ARFGAP3: variants seen among roughly 807,000 people sequenced by gnomAD.
ARFGAP3 encodes ARF GTPase activating protein 3, also known as ADP-ribosylation factor GTPase-activating protein 3.
ARFGAP3 carries 72 observed loss-of-function variants against 75.0 expected under a neutral mutation model. That is an observed-to-expected ratio of 0.96 (90% CI 0.79 to 1.17). ARFGAP3 has a LOEUF of 1.17. Ranked by LOEUF, ARFGAP3 falls within the 50% of genes most tolerant of loss-of-function variation. The pLI, the probability that ARFGAP3 is intolerant of heterozygous loss-of-function variation, is 0.00. For missense variants in ARFGAP3, 620 were observed against 626.6 expected, an observed-to-expected ratio of 0.99 and a Z score of 0.11; for synonymous variants, 221 against 217.9, an observed-to-expected ratio of 1.01 and a Z score of -0.13.
At chr22:42,840,051 C>G (rs915806066) in intron 3 of ARFGAP3, among the ~76,000 whole-genome samples, 1 of 152,202 alleles carries the variant, frequency 6.6e-6, no homozygotes, top group African/African-American at 2.4e-5. Flanking sequence ...CCACCTCAGC[C>G]TCCCGAGTAG....
intron 9 of ARFGAP3, among the ~76,000 whole-genome samples, chr22:42,819,694 T>C (rs1044622888): frequency 6.6e-6 from 1 of 152,222 alleles, no homozygotes; most frequent in African/African-American, 2.4e-5. Context: ...GGATGCTGCA[T>C]GGGCTGTTTA....
At position 42,828,192 on chromosome 22, in the gene ARFGAP3, G is replaced by A. The variant is rs193130948; in HGVS notation, c.566-1193C>T. On this transcript the variant is annotated intron_variant, in intron 6 of 15. Transcript: ENST00000263245. Reference sequence around the variant, plus strand: ...AATCCCAGCACTTCGGGAGGCCAAGGGGGACGCATCATGAGGTCAAGAGTT... The same window carrying A: ...AATCCCAGCACTTCGGGAGGCCAAGAGGGACGCATCATGAGGTCAAGAGTT... Among the ~76,000 whole-genome samples the A allele has an allele frequency of 2.0e-5, 3 of 152,100 alleles. No individual in the cohort carries two copies. In the East Asian group the frequency reaches 5.8e-4, roughly 30 times the overall value.
At position 42,829,084 on chromosome 22, in the gene ARFGAP3, G is replaced by A. The variant is rs368327480; in HGVS notation, c.566-2085C>T. Among the ~76,000 whole-genome samples the A allele has an allele frequency of 5.9e-5, 9 of 152,270 alleles. No homozygotes were observed. The East Asian group carries it at 1.7e-3, about 29-fold the overall frequency. On this transcript the variant is annotated intron_variant, in intron 6 of 15. Coordinates refer to ENST00000263245, the MANE Select transcript of ARFGAP3 (RefSeq NM_014570.5). The stretch of plus-strand genomic sequence containing the variant: ...TATAACGCACTGTTCCTGTTTGTTA[G>A]GAGATTGTGGGAATTCTTTCTTCTC...
In ARFGAP3 at chr22:42,807,097, C is replaced by G; in HGVS notation, c.1387G>C (p.Glu463Gln). ...SSSISSADLF[E>Q]EPRKQPAGNY... ...CCTGCTGGCTGCTTCCTCGGCTCCT[C>G]GAACAGATCAGCCGAGCTTATGGAG... Residue 463 changes from glutamate to glutamine, a missense_variant, in exon 14 of 16, where the codon GAG (glutamate) becomes CAG (glutamine). Glu to Gln is a conservative substitution (Grantham distance 29). Coordinates refer to ENST00000263245, the MANE Select transcript of ARFGAP3 (RefSeq NM_014570.5). 1.2e-6 allele frequency: 2 copies of G among 1,612,352 alleles called. No individual in the cohort carries two copies. The highest frequency in any genetic ancestry group is 2.2e-5 in the East Asian group (1 of 44,878).
Position 42,799,100 on chromosome 22 carries a change from C to T in ARFGAP3, c.1472G>A (p.Gly491Glu). 6.2e-7 allele frequency: 1 copy of T among 1,614,202 alleles called. No homozygotes were observed. The highest frequency in any genetic ancestry group is 1.1e-5 in the South Asian group (1 of 91,080). The change falls in exon 15 of 16, where the codon GGA becomes GAA. Residue 491 changes from glycine to glutamate, a missense_variant. Transcript: ENST00000263245. Reference sequence around the variant, plus strand: ...GAGTTTTCCAGCAACCGATCTCACTCCCTGCTTGAACTGCGCCATGTCGGG... The same window carrying T: ...GAGTTTTCCAGCAACCGATCTCACTTCCTGCTTGAACTGCGCCATGTCGGG... ...NAPDMAQFKQ[G>E]VRSVAGKLSV...
At chr22:42,847,675 A>G in intron 1 of ARFGAP3, 43 bp from the exon 2 acceptor site, 1 of 1,600,516 alleles carries the variant, frequency 6.2e-7, no homozygotes, top group Non-Finnish European at 8.5e-7. Context: ...TATGTTAGCC[A>G]AATAAATTAT....
intron 5 of ARFGAP3, among the ~76,000 whole-genome samples, chr22:42,833,797 TC>T (rs1195830109): frequency 1.3e-5 from 2 of 152,160 alleles, no homozygotes; most frequent in African/African-American, 4.8e-5. Context: ...GCACCTGTAG[TC>T]CCAGCTACTC....
intron 7 of ARFGAP3, among the ~76,000 whole-genome samples, chr22:42,825,957 A>G (rs1313349119): frequency 6.6e-6 from 1 of 152,226 alleles, no homozygotes; most frequent in East Asian, 1.9e-4. Context: ...AGCCGTGAGT[A>G]GAGAATAACG....
At position 42,840,953 on chromosome 22, in the gene ARFGAP3, G is replaced by A. The variant is rs915421557; in HGVS notation, c.252C>T (p.Asn84=). The change falls in exon 3 of 16, where the codon AAC becomes AAT. Residue 84 remains asparagine (N), a synonymous_variant. Transcript: ENST00000263245. The stretch of plus-strand genomic sequence containing the variant: ...TTTGAGATGAACTTACTGCACTAGC[G>A]TTTCCTCCGACTTGCATGCATCGCA... The part of the protein sequence containing the change: ...FQLRCMQVGG[N]ASASSFFHQH... 5.0e-6 allele frequency: 8 copies of A among 1,613,998 alleles called. No homozygotes were observed. The highest frequency in any genetic ancestry group is 4.5e-5 in the East Asian group (2 of 44,886).
At chr22:42,830,175 T>G (rs540742668) in intron 6 of ARFGAP3, among the ~76,000 whole-genome samples, 1 of 152,140 alleles carries the variant, frequency 6.6e-6, no homozygotes, top group African/African-American at 2.4e-5. Flanking sequence ...GAGAGTGCAG[T>G]GGTGCAATCA....
At position 42,856,601 on chromosome 22, in the gene ARFGAP3, C is replaced by A. The variant is rs150432445; in HGVS notation, c.69+513G>T. On this transcript the variant is annotated intron_variant, in intron 1 of 15. Transcript: ENST00000263245. ...AAGCGACAAAAGCTGGAAGCCAAAGCGTAGACTACTCGGCAACTTTATCAG... is the reference window on the plus strand; with the variant it reads ...AAGCGACAAAAGCTGGAAGCCAAAGAGTAGACTACTCGGCAACTTTATCAG... Among the ~76,000 whole-genome samples the A allele has an allele frequency of 1.4e-3, 214 of 152,284 alleles. 2 individuals are homozygous for A. The highest frequency in any genetic ancestry group is 4.9e-3 in the African/African-American group (204 of 41,564).
chr22:42,813,346 T>C (rs1216255774), intron 11 of ARFGAP3, among the ~76,000 whole-genome samples: 1 of 152,012 alleles, frequency 6.6e-6, no homozygotes, highest in Admixed American at 6.6e-5. Context: ...AAGGGTGTAG[T>C]AGAGGCTGGA....
chr22:42,797,300 G>A lies in ARFGAP3; in HGVS notation c.*288C>T, dbSNP rs765103094. 2.3e-6 allele frequency: 1 copy of A among 427,582 alleles called. No homozygotes were observed. The allele number at this position is 427,582 out of a possible 1,614,324, so 26.5% of individuals were successfully genotyped here. ...GGAGCAGGAGGAGCCGAGGTCTCCA[G>A]GCCCTCAGTGTTGAAATCAAAGGTT... On this transcript the variant is annotated 3_prime_UTR_variant, in exon 16 of 16. Transcript: ENST00000263245.
At chr22:42,797,708 G>A in intron 15 of ARFGAP3, 103 bp from the exon 16 acceptor site, 2 of 1,611,230 alleles carry the variant, frequency 1.2e-6, no homozygotes, top group Middle Eastern at 1.7e-4. Flanking sequence ...TGCAGCCCAT[G>A]TCAGGCATGT....
intron 14 of ARFGAP3, among the ~76,000 whole-genome samples, chr22:42,806,151 T>C (rs1925112028): frequency 6.6e-6 from 1 of 152,192 alleles, no homozygotes; most frequent in Non-Finnish European, 1.5e-5. Flanking sequence ...GTGCCAGGCT[T>C]GGAATGCCTG....
chr22:42,848,326 A>G (rs1927115710), intron 1 of ARFGAP3, among the ~76,000 whole-genome samples: 2 of 152,096 alleles, frequency 1.3e-5, no homozygotes, highest in South Asian at 2.1e-4. Flanking sequence ...CTCCTGCCTC[A>G]GCCTCCTGAG....
rs1405427414 is a variant in ARFGAP3, at chr22:42,797,576, A to T, written c.*12T>A. The T allele has an allele frequency of 3.7e-6, 6 of 1,614,082 alleles. No homozygotes were observed. The highest frequency in any genetic ancestry group is 2.2e-5 in the South Asian group (2 of 91,092). On this transcript the variant is annotated 3_prime_UTR_variant, in exon 16 of 16. Coordinates refer to ENST00000263245, the MANE Select transcript of ARFGAP3 (RefSeq NM_014570.5). ...GGAATTTCTCCAGGAAATACACATC[A>T]TGACTTCAGTATTAAGAACCGTAGC... is the stretch of plus-strand genomic sequence containing the variant.
At chr22:42,849,412 A>G (rs1030906271) in intron 1 of ARFGAP3, among the ~76,000 whole-genome samples, 1 of 151,970 alleles carries the variant, frequency 6.6e-6, no homozygotes, top group Admixed American at 6.6e-5. Context: ...TTCCCTGCCC[A>G]CTGAGGGCAC....
intron 9 of ARFGAP3, among the ~76,000 whole-genome samples, chr22:42,821,413 C>T (rs955550883): frequency 1.3e-5 from 2 of 152,316 alleles, no homozygotes. Context: ...CCCTGGCAAC[C>T]AGTAAGTTGC....
Sources: gnomAD v4.1 joint callset for allele counts (sites outside exome capture counted in the v4.1 genomes callset) on GRCh38, gnomAD v4.1.1 for gene constraint, MANE v1.5 for transcripts, NCBI Gene and HGNC (gene_info 2026-07-23, HGNC 2026-07-21) for gene names.